The following OPN3 variants were observed in gnomAD, a reference collection of about 807,000 sequenced individuals.
OPN3 encodes opsin 3, also known as opsin-3.
In OPN3, 29 loss-of-function variants were observed where a neutral mutation model predicts 33.8. The observed-to-expected ratio is 0.86, with a 90% CI of 0.64 to 1.17. OPN3 has a LOEUF of 1.17. OPN3 is among the 50% of genes most tolerant of loss of function. The probability of loss-of-function intolerance (pLI) is 0.00; values close to 1 mark genes in which losing one functional copy is unlikely to be tolerated. For synonymous variants in OPN3, 216 were observed against 216.1 expected, an observed-to-expected ratio of 1.00 and a Z score of 0.00; for missense variants, 437 against 514.1, an observed-to-expected ratio of 0.85 and a Z score of 1.45.
intron 1 of OPN3, among the ~76,000 whole-genome samples, chr1:241,607,563 GAAAGAAAGAAAGA>G (rs199994452): frequency 0.12 from 16,674 of 143,240 alleles, 1,031 homozygotes; most frequent in East Asian, 0.29. Context: ...AAGGAAGGAA[GAAAGAAAGAAAGA>G]AAAGAAAGAA....
intron 1 of OPN3, chr1:241,633,700 C>A: frequency 7.8e-7 from 1 of 1,283,474 alleles, no homozygotes; most frequent in Non-Finnish European, 1.1e-6. Flanking sequence ...TCATATATAA[C>A]CACTTCTAAT....
chr1:241,629,886 T>C (rs1019424440), intron 1 of OPN3: 2 of 152,112 alleles, frequency 1.3e-5, no homozygotes, highest in Non-Finnish European at 2.9e-5. Flanking sequence ...CTTAATAGCA[T>C]GTTTTAAGGA....
At chr1:241,622,360 A>G (rs1350711387) in intron 1 of OPN3, among the ~76,000 whole-genome samples, 1 of 152,196 alleles carries the variant, frequency 6.6e-6, no homozygotes, top group East Asian at 1.9e-4. Context: ...ATTGTTAGGT[A>G]AGAAGGTGTG....
In OPN3 at chr1:241,594,453, T is replaced by C; in HGVS notation, c.1184A>G (p.Asp395Gly). The C allele has an allele frequency of 6.2e-7, 1 of 1,613,546 alleles. No individual in the cohort carries two copies. Among genetic ancestry groups the C allele is most frequent in the South Asian group, 1.1e-5 (1 of 91,048 alleles). Residue 395 changes from aspartate (D) to glycine (G), a missense_variant, in exon 4 of 4, where the codon GAT becomes GGT. Asp to Gly is a moderately conservative substitution (Grantham distance 94). Transcript: ENST00000366554. Reference protein sequence around the residue: ...DSDKTNGSKVDVIQVRPL With the variant: ...DSDKTNGSKVGVIQVRPL ...CTACAAAGGACGAACTTGGATTACA[T>C]CAACTTTGGACCCATTGGTTTTGTC... is the stretch of plus-strand genomic sequence containing the variant.
At chr1:241,598,092 C>T (rs930233590) in intron 2 of OPN3, 95 bp from the exon 3 acceptor site, 6 of 1,379,388 alleles carry the variant, frequency 4.3e-6, no homozygotes, top group Non-Finnish European at 5.8e-6. Context: ...CATTCTTGGC[C>T]CCACCTAAAT....
Position 241,593,444 on chromosome 1 carries a change from G to A in OPN3, c.*984C>T, listed in dbSNP as rs984030359. On this transcript the variant is annotated 3_prime_UTR_variant, in exon 4 of 4. Transcript: ENST00000366554. ...TAGAGTCATATAAGAAATAAAAATT[G>A]GGCAATAAAATAAAATGATTCAGTG... The A allele has an allele frequency of 4.2e-5, 15 of 358,938 alleles. No homozygotes were observed. The highest frequency in any genetic ancestry group is 4.1e-4 in the Middle Eastern group (1 of 2,430). The allele number at this position is 358,938 out of a possible 1,614,324, so 22.2% of individuals were successfully genotyped here.
At chr1:241,596,497 A>G (rs1219291115) in intron 3 of OPN3, among the ~76,000 whole-genome samples, 2 of 152,174 alleles carry the variant, frequency 1.3e-5, no homozygotes, top group African/African-American at 4.8e-5. Context: ...AAGTGAGTTT[A>G]TGGAGAGTGT....
intron 3 of OPN3, among the ~76,000 whole-genome samples, chr1:241,595,862 T>C (rs559853351): frequency 6.6e-6 from 1 of 152,380 alleles, no homozygotes; most frequent in African/African-American, 2.4e-5. Context: ...GTGTTAAAGA[T>C]ACATTACTGT....
chr1:241,636,068 T>C (rs1477348235), intron 1 of OPN3: 2 of 442,282 alleles, frequency 4.5e-6, no homozygotes, highest in African/African-American at 2.0e-5. Context: ...TGACTGGAAC[T>C]CTTCTCTGAA....
intron 1 of OPN3, among the ~76,000 whole-genome samples, chr1:241,638,375 G>A (rs1270321085): frequency 1.3e-5 from 2 of 152,108 alleles, no homozygotes; most frequent in African/African-American, 2.4e-5. Flanking sequence ...AAAGAACTCA[G>A]TACACCCTTG....
chr1:241,604,798 G>A (rs1441410340), intron 1 of OPN3, among the ~76,000 whole-genome samples: 2 of 152,278 alleles, frequency 1.3e-5, no homozygotes, highest in Admixed American at 6.5e-5. Context: ...GCTCACGCCT[G>A]TAATCCTAAC....
chr1:241,603,051 T>C (rs1224994070), intron 2 of OPN3, among the ~76,000 whole-genome samples: 1 of 151,828 alleles, frequency 6.6e-6, no homozygotes, highest in East Asian at 1.9e-4. Context: ...CCTGGTAATA[T>C]GCTAAAGGGA....
chr1:241,626,578 T>C (rs6679555), intron 1 of OPN3, among the ~76,000 whole-genome samples: 490 of 152,294 alleles, frequency 3.2e-3, no homozygotes, highest in African/African-American at 0.011. Context: ...GTATTATTAA[T>C]TGCCTAAAAA....
At chr1:241,638,466 G>C (rs1275151767) in intron 1 of OPN3, among the ~76,000 whole-genome samples, 1 of 152,194 alleles carries the variant, frequency 6.6e-6, no homozygotes, top group African/African-American at 2.4e-5. Context: ...TGATGTCTGT[G>C]AACAAACACC....
At chr1:241,627,705 T>C (rs1051283769) in intron 1 of OPN3, among the ~76,000 whole-genome samples, 1 of 152,160 alleles carries the variant, frequency 6.6e-6, no homozygotes, top group Non-Finnish European at 1.5e-5. Context: ...GTGAATACAT[T>C]TGGTTGCTGG....
At chr1:241,620,000 G>A (rs761129867) in intron 1 of OPN3, among the ~76,000 whole-genome samples, 3 of 147,508 alleles carry the variant, frequency 2.0e-5, no homozygotes, top group East Asian at 4.3e-4. Context: ...ACAAAATTGC[G>A]TATTTGAAAT....
chr1:241,595,056 G>C, intron 3 of OPN3: 1 of 168,410 alleles, frequency 5.9e-6, no homozygotes, highest in Non-Finnish European at 1.3e-5. Flanking sequence ...GCTATAATTA[G>C]AGACTTTTTA....
chr1:241,602,147 G>A (rs1663694454), intron 2 of OPN3, among the ~76,000 whole-genome samples: 1 of 152,158 alleles, frequency 6.6e-6, no homozygotes, highest in Non-Finnish European at 1.5e-5. Context: ...CTAAACATAG[G>A]ATGCTGGGGA....
intron 1 of OPN3, among the ~76,000 whole-genome samples, chr1:241,623,766 T>C (rs1664331024): frequency 6.6e-6 from 1 of 152,250 alleles, no homozygotes; most frequent in Non-Finnish European, 1.5e-5. Context: ...TCATTCCCTT[T>C]GCTCTGCCCT....
Sources: gnomAD v4.1 joint callset for allele counts (sites outside exome capture counted in the v4.1 genomes callset) on GRCh38, gnomAD v4.1.1 for gene constraint, MANE v1.5 for transcripts, NCBI Gene and HGNC (gene_info 2026-07-23, HGNC 2026-07-21) for gene names.